The following FRMPD4 variants were observed in gnomAD, a reference collection of about 807,000 sequenced individuals.
FRMPD4 encodes FERM and PDZ domain-containing protein 4.
A neutral mutation model predicts 94.1 loss-of-function variants in FRMPD4; 22 were observed. The ratio of observed to expected loss-of-function variants is 0.23; its 90% CI spans 0.17 to 0.33. The LOEUF is 0.33. FRMPD4 is among the 10% of genes least tolerant of loss of function. FRMPD4 has a pLI of 1.00. For synonymous variants in FRMPD4, 631 were observed against 548.6 expected, an observed-to-expected ratio of 1.15 and a Z score of -2.10; for missense variants, 1,111 against 1,339.9, an observed-to-expected ratio of 0.83 and a Z score of 2.67.
chrX:12,276,977 C>T (rs981548870), intron 1 of FRMPD4, among the ~76,000 whole-genome samples: 2 of 106,757 alleles, frequency 1.9e-5, no homozygotes, highest in African/African-American at 6.8e-5. Context: ...AAAAATTAGC[C>T]GGGCGTAGTG....
At chrX:11,874,023 G>A (rs2053769583) in intron 2 of FRMPD4, among the ~76,000 whole-genome samples, 3 of 111,589 alleles carry the variant, frequency 2.7e-5, no homozygotes, top group African/African-American at 9.8e-5. Flanking sequence ...TCCAGCCTGG[G>A]GAACAAGGTG....
At chrX:12,019,063 A>G (rs954530575) in intron 3 of FRMPD4, among the ~76,000 whole-genome samples, 1 of 111,968 alleles carries the variant, frequency 8.9e-6, no homozygotes, top group African/African-American at 3.2e-5. Flanking sequence ...CACAGAAAAT[A>G]CAATTATATT....
At chrX:12,052,116 C>T (rs2054821946) in intron 3 of FRMPD4, among the ~76,000 whole-genome samples, 1 of 111,738 alleles carries the variant, frequency 8.9e-6, no homozygotes, top group Admixed American at 9.5e-5. Flanking sequence ...GTCTAATAAA[C>T]ATGGCAATAA....
rs185144406 is a variant in FRMPD4 at position 12,112,122 on chromosome X, G to T, written c.95+234104G>T. Among the ~76,000 whole-genome samples the T allele has an allele frequency of 7.7e-4, 86 of 112,119 alleles. 1 individual carries two copies. Among genetic ancestry groups the T allele is most frequent in the African/African-American group, 2.7e-3 (84 of 30,840 alleles). On this transcript the variant is annotated intron_variant, in intron 3 of 18. Coordinates refer to the FRMPD4 transcript ENST00000640291. ...GCTATAAAGACACATGCACACGTAT[G>T]TTTATTGCGGCACTATTCACAATAG...
intron 3 of FRMPD4, among the ~76,000 whole-genome samples, chrX:11,880,961 G>A (rs2053810650): frequency 8.9e-6 from 1 of 111,960 alleles, no homozygotes; most frequent in African/African-American, 3.2e-5. Flanking sequence ...ATTATTAGTG[G>A]GTTTATTAAA....
At chrX:12,060,802 TGAGTC>T (rs1193209532) in intron 3 of FRMPD4, among the ~76,000 whole-genome samples, 2 of 112,000 alleles carry the variant, frequency 1.8e-5, no homozygotes, top group Non-Finnish European at 3.8e-5. Context: ...TTACATGTAA[TGAGTC>T]AAGATTATAT....
intron 1 of FRMPD4, among the ~76,000 whole-genome samples, chrX:12,185,774 A>G (rs949041676): frequency 4.5e-5 from 5 of 111,905 alleles, no homozygotes; most frequent in Non-Finnish European, 5.7e-5. Flanking sequence ...CAGGGGCTCC[A>G]TTCATCAAAT....
intron 3 of FRMPD4, among the ~76,000 whole-genome samples, chrX:11,954,350 T>G (rs921800069): frequency 8.0e-5 from 9 of 112,300 alleles, no homozygotes; most frequent in African/African-American, 2.9e-4. Context: ...TACTACATAT[T>G]TTTTCCACGT....
At chrX:12,095,632 C>A (rs1370301513) in intron 3 of FRMPD4, among the ~76,000 whole-genome samples, 1 of 111,011 alleles carries the variant, frequency 9.0e-6, no homozygotes, top group Non-Finnish European at 1.9e-5. Context: ...GCAAAAAGGT[C>A]ATCAGTTTGG....
At chrX:11,945,799 C>A (rs1471451435) in intron 3 of FRMPD4, among the ~76,000 whole-genome samples, 1 of 111,555 alleles carries the variant, frequency 9.0e-6, no homozygotes, top group African/African-American at 3.3e-5. Flanking sequence ...CCCCATGACC[C>A]AAATGCCTCC....
Position 12,721,890 on chromosome X carries a change from A to G in FRMPD4, c.*32A>G, listed in dbSNP as rs931084051. 2 of 696,166 alleles carry G rather than the reference A, an allele frequency of 2.9e-6. No individual in the cohort carries two copies. The highest frequency in any genetic ancestry group is 4.8e-5 in the African/African-American group (2 of 42,062). The allele number at this position is 696,166 out of a possible 1,213,427, so 57.4% of individuals were successfully genotyped here. A position where few individuals can be genotyped will look rare whatever the true frequency, so the allele number is the denominator to read the frequency against. On this transcript the variant is annotated 3_prime_UTR_variant, in exon 17 of 17. Transcript: ENST00000675598. ...AAGTCACGTCATAATCTACCTTTGC[A>G]AAGCCATACATGAACTTTTATTTAC...
chrX:12,682,875 G>C (rs966517611), intron 5 of FRMPD4, among the ~76,000 whole-genome samples: 1 of 111,823 alleles, frequency 8.9e-6, no homozygotes, highest in African/African-American at 3.3e-5. Context: ...GAAAGGTCTC[G>C]TCTCTACCCT....
intron 4 of FRMPD4, among the ~76,000 whole-genome samples, chrX:12,646,382 T>C (rs2059547935): frequency 8.9e-6 from 1 of 112,004 alleles, no homozygotes; most frequent in South Asian, 3.7e-4. Context: ...TTCTCTCTGC[T>C]TTGCCATGGA....
chrX:12,687,268 A>G (rs2060034933), intron 7 of FRMPD4, among the ~76,000 whole-genome samples: 1 of 112,150 alleles, frequency 8.9e-6, no homozygotes, highest in South Asian at 3.7e-4. Flanking sequence ...ATCATCCTCA[A>G]ATCATTCCAG....
At chrX:12,450,426 G>A (rs898037406) in intron 1 of FRMPD4, among the ~76,000 whole-genome samples, 1 of 111,597 alleles carries the variant, frequency 9.0e-6, no homozygotes, top group African/African-American at 3.3e-5. Flanking sequence ...ATCTCATGTT[G>A]TAAGGTAGCC....
At chrX:11,892,640 G>A (rs1182644597) in intron 3 of FRMPD4, among the ~76,000 whole-genome samples, 1 of 112,264 alleles carries the variant, frequency 8.9e-6, no homozygotes, top group East Asian at 2.8e-4. Flanking sequence ...AAACTGAGGG[G>A]AATCGTTCAC....
chrX:12,587,853 C>T (rs1459479358), intron 2 of FRMPD4, among the ~76,000 whole-genome samples: 1 of 111,874 alleles, frequency 8.9e-6, no homozygotes, highest in East Asian at 2.8e-4. Context: ...TATAGTAACT[C>T]TATGTTTAAC....
At chrX:12,560,772 T>C (rs2058649422) in intron 2 of FRMPD4, among the ~76,000 whole-genome samples, 1 of 31,569 alleles carries the variant, frequency 3.2e-5, no homozygotes, top group East Asian at 8.6e-4. Context: ...TTTTTTTTTT[T>C]TTTTTTTTTT....
chrX:12,267,114 C>A (rs1167551951), intron 1 of FRMPD4, among the ~76,000 whole-genome samples: 1 of 111,850 alleles, frequency 8.9e-6, no homozygotes, highest in Non-Finnish European at 1.9e-5. Context: ...TGCAAGGTTT[C>A]TGCTGAATGT....
Sources: allele counts gnomAD v4.1 joint callset (sites outside exome capture counted in the v4.1 genomes callset), GRCh38; gene constraint gnomAD v4.1.1; transcripts MANE v1.5; gene names NCBI Gene and HGNC (gene_info 2026-07-23, HGNC 2026-07-21).